Variants in KRABD1 observed in about 807,000 individuals in gnomAD.
The protein encoded by KRABD1 is KRAB domain containing 1, also known as KRAB domain-containing protein 1.
chr3:42,941,130 G>A, the KRABD1 span: 10 of 1,200,598 alleles, frequency 8.3e-6, no homozygotes, highest in Middle Eastern at 4.0e-4. Context: ...TACTGAATAC[G>A]TATCATTTGT....
chr3:42,939,061 T>C, the KRABD1 span: 1 of 613,082 alleles, frequency 1.6e-6, no homozygotes, highest in Admixed American at 2.8e-5. Context: ...TATGTGTGTA[T>C]GTGTACACAC....
chr3:42,939,163 C>G, the KRABD1 span, among the ~76,000 whole-genome samples: 1 of 152,106 alleles, frequency 6.6e-6, no homozygotes, highest in Non-Finnish European at 1.5e-5. Context: ...TGACCTCACT[C>G]ATAGAAACAC....
chr3:42,939,599 G>C, the KRABD1 span, among the ~76,000 whole-genome samples: 3 of 152,038 alleles, frequency 2.0e-5, no homozygotes, highest in Non-Finnish European at 4.4e-5. Context: ...TTAGCTCATA[G>C]GGTATATATA....
At chr3:42,942,779 T>C in the KRABD1 span, 1 of 373,084 alleles carries the variant, frequency 2.7e-6, no homozygotes, top group Admixed American at 4.4e-5. Flanking sequence ...AAATAACTCA[T>C]TTTGATGTAC....
At chr3:42,941,294 C>T in the KRABD1 span, 30 of 1,597,994 alleles carry the variant, frequency 1.9e-5, no homozygotes, top group Middle Eastern at 1.6e-4. Flanking sequence ...TGGTGCCTGC[C>T]GAGAGGGCCT....
At chr3:42,941,467 G>T in the KRABD1 span, 5 of 1,124,866 alleles carry the variant, frequency 4.4e-6, no homozygotes, top group Non-Finnish European at 6.1e-6. Context: ...AGAAAGCCCT[G>T]GTGTCTATTG....
At chr3:42,938,974 T>C in the KRABD1 span, 3 of 1,430,188 alleles carry the variant, frequency 2.1e-6, no homozygotes, top group Non-Finnish European at 2.8e-6. Flanking sequence ...CCTGTGTGTA[T>C]ATACATATGT....
chr3:42,938,971 G>C, the KRABD1 span: 1 of 1,457,076 alleles, frequency 6.9e-7, no homozygotes, highest in Non-Finnish European at 9.2e-7. Context: ...ATCCCTGTGT[G>C]TATATACATA....
chr3:42,938,468 T>A, the KRABD1 span: 1 of 162,054 alleles, frequency 6.2e-6, no homozygotes, highest in South Asian at 1.7e-4. Context: ...CTATCTGTAC[T>A]ACATAACTCA....
At chr3:42,942,586 G>A in the KRABD1 span, 13 of 1,444,900 alleles carry the variant, frequency 9.0e-6, no homozygotes, top group Middle Eastern at 1.8e-4. Flanking sequence ...GCAGTGTTAC[G>A]TAGAATAGTA....
chr3:42,941,106 C>T, the KRABD1 span: 23 of 845,824 alleles, frequency 2.7e-5, no homozygotes, highest in Admixed American at 9.0e-5. Flanking sequence ...TCTGTAGGCA[C>T]GTGAAGGACC....
the KRABD1 span, chr3:42,938,710 C>T: frequency 9.0e-6 from 4 of 443,176 alleles, no homozygotes; most frequent in South Asian, 5.1e-5. Flanking sequence ...CCTGCTATCT[C>T]GCCTTTGTGA....
the KRABD1 span, chr3:42,942,103 T>C: frequency 1.4e-6 from 2 of 1,411,758 alleles, no homozygotes; most frequent in Non-Finnish European, 1.9e-6. Context: ...TTCTCCAGCT[T>C]TGTCTCTTCC....
the KRABD1 span, among the ~76,000 whole-genome samples, chr3:42,939,864 A>G: frequency 6.6e-5 from 10 of 152,058 alleles, no homozygotes; most frequent in African/African-American, 2.2e-4. Context: ...TTTTTATTAC[A>G]CTGTACCTTT....
chr3:42,941,304 T>C, the KRABD1 span: 1 of 1,599,836 alleles, frequency 6.3e-7, no homozygotes. Context: ...CGAGAGGGCC[T>C]TGTACAGGGA....
At chr3:42,940,424 A>G in the KRABD1 span, among the ~76,000 whole-genome samples, 3 of 152,346 alleles carry the variant, frequency 2.0e-5, no homozygotes, top group South Asian at 4.1e-4. Context: ...CTTTTCTCCA[A>G]GGTAATTAAA....
At chr3:42,939,974 T>C in the KRABD1 span, among the ~76,000 whole-genome samples, 1 of 152,212 alleles carries the variant, frequency 6.6e-6, no homozygotes, top group Non-Finnish European at 1.5e-5. Context: ...GCATTTTCAC[T>C]CTCCTAATGG....
At chr3:42,938,958 C>A in the KRABD1 span, 1 of 1,516,440 alleles carries the variant, frequency 6.6e-7, no homozygotes, top group Non-Finnish European at 8.8e-7. Flanking sequence ...TATCTCTGTA[C>A]ATATCCCTGT....
At chr3:42,942,210 T>G in the KRABD1 span, 1 of 660,508 alleles carries the variant, frequency 1.5e-6, no homozygotes, top group Non-Finnish European at 2.7e-6. Flanking sequence ...CTGACCGGTG[T>G]GTTATTCATA....
Sources: gnomAD v4.1 joint callset for allele counts (sites outside exome capture counted in the v4.1 genomes callset) on GRCh38, gnomAD v4.1.1 for gene constraint, MANE v1.5 for transcripts, NCBI Gene and HGNC (gene_info 2026-07-23, HGNC 2026-07-21) for gene names.